PCDHGA5: variants seen among roughly 807,000 people sequenced by gnomAD.
PCDHGA5 encodes protocadherin gamma-A5.
In PCDHGA5, 36 loss-of-function variants were observed where a neutral mutation model predicts 56.7. The observed-to-expected ratio is 0.64, with a 90% CI of 0.49 to 0.84. PCDHGA5 has a LOEUF of 0.84. PCDHGA5 is among the 40% of genes least tolerant of loss of function. The pLI, the probability that PCDHGA5 is intolerant of heterozygous loss-of-function variation, is 0.00. For missense variants in PCDHGA5, 1,305 were observed against 1,201.5 expected (o/e 1.09, Z -1.27); for synonymous variants, 563 against 520.2 (o/e 1.08, Z -1.12).
Position 141,384,336 on chromosome 5 carries a change from C to T in PCDHGA5, c.2421+17585C>T, listed in dbSNP as rs1779973302. On this transcript the variant is annotated intron_variant, in intron 1 of 3. Transcript: ENST00000518069. ...TTTTCTTAGTGACTGCACAGGACCA[C>T]GACAGTGAGGATAATGCCCAGATCA... 9 of 1,613,748 alleles carry T rather than the reference C, an allele frequency of 5.6e-6. No homozygotes were observed. The East Asian group carries it at 1.1e-4, about 20-fold the overall frequency.
intron 1 of PCDHGA5, chr5:141,377,949 A>G (rs1774488021): frequency 6.6e-6 from 1 of 152,208 alleles, no homozygotes; most frequent in Non-Finnish European, 1.5e-5. Context: ...TAGAGTGTGT[A>G]TCCAGGGCAA....
chr5:141,392,597 C>G (rs761805266), intron 1 of PCDHGA5: 11 of 501,346 alleles, frequency 2.2e-5, no homozygotes, highest in Non-Finnish European at 3.8e-5. Context: ...TGTTCACCTA[C>G]TGGAAGACAA....
At chr5:141,408,342 TG>T in intron 1 of PCDHGA5, 1 of 1,613,856 alleles carries the variant, frequency 6.2e-7, no homozygotes, top group Non-Finnish European at 8.5e-7. Context: ...GGCTCGGTGG[TG>T]GGGAACCTCG....
chr5:141,416,308 T>C (rs1472911605), intron 1 of PCDHGA5: 1 of 152,266 alleles, frequency 6.6e-6, no homozygotes, highest in East Asian at 1.9e-4. Context: ...ATGTGGAAGA[T>C]ATAGCATTTT....
At chr5:141,376,952 G>T (rs1773571680) in intron 1 of PCDHGA5, 1 of 165,710 alleles carries the variant, frequency 6.0e-6, no homozygotes, top group African/African-American at 2.4e-5. Flanking sequence ...CTCCCAAAGT[G>T]CTGGGATTAC....
intron 1 of PCDHGA5, chr5:141,428,087 G>A (rs2097108117): frequency 6.2e-7 from 1 of 1,609,106 alleles, no homozygotes; most frequent in Non-Finnish European, 8.5e-7. Context: ...ACAACGCTTG[G>A]CTGTCCTACC....
intron 1 of PCDHGA5, chr5:141,410,537 A>G (rs772317770): frequency 1.1e-5 from 17 of 1,613,760 alleles, no homozygotes; most frequent in African/African-American, 1.3e-5. Flanking sequence ...CAATGAAGAC[A>G]TGGTTTGCAG....
chr5:141,431,904 T>A lies in PCDHGA5; in HGVS notation c.2422-62903T>A. On this transcript the variant is annotated intron_variant, in intron 1 of 3. Transcript: ENST00000518069. The surrounding 1 kb of genome is among the most constrained non-coding windows in gnomAD (Gnocchi z 4.8). ...CAAGATTCTGAGGAAAACGGACAGG[T>A]GATCTGTTTCATCCAAGGAAATCTG... is the stretch of plus-strand genomic sequence containing the variant. 1 of 1,613,846 alleles carries A rather than the reference T, an allele frequency of 6.2e-7. No individual in the cohort carries two copies. Among genetic ancestry groups the A allele is most frequent in the Non-Finnish European group, 8.5e-7 (1 of 1,179,708 alleles).
intron 2 of PCDHGA5, among the ~76,000 whole-genome samples, chr5:141,502,783 G>A (rs2099816035): frequency 6.6e-6 from 1 of 151,652 alleles, no homozygotes; most frequent in African/African-American, 2.4e-5. Context: ...AAAATTACCT[G>A]GATGATTTCT....
chr5:141,490,128 C>T lies in PCDHGA5; in HGVS notation c.2422-4679C>T, dbSNP rs970815408. 1.2e-6 allele frequency: 2 copies of T among 1,614,254 alleles called. No homozygotes were observed. Among genetic ancestry groups the T allele is most frequent in the Non-Finnish European group, 8.5e-7 (1 of 1,180,042 alleles). ...CAGTGCGGAACCTCTTTGGCCTAGA[C>T]CCTAGCAGTGGGGCAATCCATGTGT... On this transcript the variant is annotated intron_variant, in intron 1 of 3. Transcript: ENST00000518069. The surrounding 1 kb of genome is among the most constrained non-coding windows in gnomAD (Gnocchi z 5.4).
intron 1 of PCDHGA5, chr5:141,427,502 G>A (rs1276688816): frequency 1.7e-6 from 1 of 576,718 alleles, no homozygotes; most frequent in East Asian, 4.0e-5. Flanking sequence ...TAACAGATGG[G>A]ACCCTGGATT....
At position 141,413,842 on chromosome 5, in the gene PCDHGA5, G is replaced by T. The variant is rs1181086477; in HGVS notation, c.2421+47091G>T. 6.2e-6 allele frequency: 10 copies of T among 1,613,176 alleles called. No homozygotes were observed. In the Admixed American group the frequency reaches 1.7e-4, roughly 27 times the overall value. The stretch of plus-strand genomic sequence containing the variant: ...GGTCCTCACCGCCTCCGACGGGGGT[G>T]ACCCTCTCCGATCTGGCACTGTCCT... On this transcript the variant is annotated intron_variant, in intron 1 of 3. Transcript: ENST00000518069.
intron 1 of PCDHGA5, among the ~76,000 whole-genome samples, chr5:141,373,364 G>A (rs576808182): frequency 3.3e-5 from 5 of 152,214 alleles, no homozygotes; most frequent in Non-Finnish European, 7.3e-5. Flanking sequence ...GCACTGTAAT[G>A]AATTGGTTCA....
chr5:141,491,507 C>A lies in PCDHGA5; in HGVS notation c.2422-3300C>A, dbSNP rs755899622. 1.9e-6 allele frequency: 3 copies of A among 1,614,038 alleles called. No individual in the cohort carries two copies. The highest frequency in any genetic ancestry group is 1.6e-4 in the Middle Eastern group (1 of 6,062). Reference sequence around the variant, plus strand: ...AACCTGCAGGTGAGCTCGGACGGCACGCTCAAGTACATGGAGGTGACGCTG... The same window carrying A: ...AACCTGCAGGTGAGCTCGGACGGCAAGCTCAAGTACATGGAGGTGACGCTG... On this transcript the variant is annotated intron_variant, in intron 1 of 3. Transcript: ENST00000518069. The surrounding 1 kb of genome is among the most constrained non-coding windows in gnomAD (Gnocchi z 6.9).
intron 1 of PCDHGA5, among the ~76,000 whole-genome samples, chr5:141,470,591 G>A (rs1271473509): frequency 1.3e-5 from 2 of 152,132 alleles, no homozygotes; most frequent in African/African-American, 4.8e-5. Flanking sequence ...ATAGGCAGGC[G>A]ACCTGTGCGG....
rs572603287 is a variant in PCDHGA5 at position 141,477,037 on chromosome 5, G to T, written c.2422-17770G>T. 19 of 1,614,266 alleles carry T rather than the reference G, an allele frequency of 1.2e-5. No homozygotes were observed. In the East Asian group the frequency reaches 3.8e-4, roughly 32 times the overall value. Reference sequence around the variant, plus strand: ...TTGTAACCGGGATGCTGACAATCAAGGGTCGGCTGGACTTCGAGGACACCA... The same window carrying T: ...TTGTAACCGGGATGCTGACAATCAATGGTCGGCTGGACTTCGAGGACACCA... On this transcript the variant is annotated intron_variant, in intron 1 of 3. Transcript: ENST00000518069. The surrounding 1 kb of genome is among the most constrained non-coding windows in gnomAD (Gnocchi z 4.9).
intron 1 of PCDHGA5, chr5:141,383,664 G>T (rs1486639863): frequency 6.2e-7 from 1 of 1,614,052 alleles, no homozygotes; most frequent in Non-Finnish European, 8.5e-7. Flanking sequence ...CCGAGAATGT[G>T]CCAGTGGGTA....
intron 1 of PCDHGA5, among the ~76,000 whole-genome samples, chr5:141,444,786 T>C (rs1252217349): frequency 6.6e-6 from 1 of 152,226 alleles, no homozygotes; most frequent in Non-Finnish European, 1.5e-5. Context: ...CATGTTTCAT[T>C]TGTCTATTCT....
chr5:141,409,407 A>G, intron 1 of PCDHGA5: 3 of 1,614,012 alleles, frequency 1.9e-6, no homozygotes, highest in Non-Finnish European at 2.5e-6. Flanking sequence ...AATAACTACT[A>G]CAAACTGGTG....
Sources: gnomAD v4.1 joint callset for allele counts (sites outside exome capture counted in the v4.1 genomes callset) on GRCh38, gnomAD v4.1.1 for gene constraint, Gnocchi (gnomAD v3.1) non-coding constraint, MANE v1.5 for transcripts, NCBI Gene and HGNC (gene_info 2026-07-23, HGNC 2026-07-21) for gene names.